Variants in PURG observed in about 807,000 individuals in gnomAD.
PURG encodes purine-rich element-binding protein gamma.
PURG carries 3 observed loss-of-function variants against 24.3 expected under a neutral mutation model. The ratio of observed to expected loss-of-function variants is 0.12; its 90% CI spans 0.06 to 0.32. The LOEUF is 0.32. Among genes scored for constraint, PURG ranks in the 10% least tolerant of loss-of-function variants. The pLI, the probability that PURG is intolerant of heterozygous loss-of-function variation, is 1.00. For synonymous variants in PURG, 180 were observed against 173.1 expected (o/e 1.04, Z -0.31); for missense variants, 371 against 439.1 (o/e 0.84, Z 1.39).
chr8:31,008,290 T>C (rs1454309488), intron 1 of PURG, among the ~76,000 whole-genome samples: 1 of 152,208 alleles, frequency 6.6e-6, no homozygotes, highest in Non-Finnish European at 1.5e-5. Context: ...CTTATGTACC[T>C]GAAGGCATTT....
At chr8:31,030,003 G>A (rs1267951831), downstream of PURG, among the ~76,000 whole-genome samples, 1 of 151,936 alleles carries the variant, frequency 6.6e-6, no homozygotes, top group Non-Finnish European at 1.5e-5. Context: ...TAGAGGAAAT[G>A]TGAAATACAA....
At chr8:31,016,904 A>T (rs1410724084) in intron 1 of PURG, among the ~76,000 whole-genome samples, 3 of 152,216 alleles carry the variant, frequency 2.0e-5, no homozygotes, top group Admixed American at 2.0e-4. Context: ...ATCTTTGATG[A>T]CATCATCATG....
At chr8:31,022,601 G>T (rs2129829687) in intron 1 of PURG, among the ~76,000 whole-genome samples, 1 of 152,328 alleles carries the variant, frequency 6.6e-6, no homozygotes, top group Non-Finnish European at 1.5e-5. Flanking sequence ...GATAGTGAAA[G>T]AAATTAATGC....
rs1377059366 is a variant in PURG, at chr8:31,030,852, G to C, written c.*887C>G. The C allele has an allele frequency of 2.0e-5, 3 of 152,028 alleles. No individual in the cohort carries two copies. The highest frequency in any genetic ancestry group is 4.4e-5 in the Non-Finnish European group (3 of 67,942). 9.4% of individuals were successfully genotyped at this position (152,028 alleles called of 1,614,324 possible). A position where few individuals can be genotyped will look rare whatever the true frequency, so the allele number is the denominator to read the frequency against. ...GAAGAAGCATAAAGTATAACACCTT[G>C]AGTCCATGATATATTTTGGGGAAGA... On this transcript the variant is annotated 3_prime_UTR_variant, in exon 2 of 2. Transcript: ENST00000523392.
At chr8:31,024,181 A>G (rs143721919) in intron 1 of PURG, among the ~76,000 whole-genome samples, 2 of 152,274 alleles carry the variant, frequency 1.3e-5, no homozygotes, top group East Asian at 3.9e-4. Context: ...ATATTATAAA[A>G]CTGACATTTT....
intron 1 of PURG, among the ~76,000 whole-genome samples, chr8:31,019,231 G>A (rs1376433497): frequency 6.8e-5 from 8 of 117,910 alleles, no homozygotes; most frequent in African/African-American, 2.4e-4. Context: ...TTATAGTACA[G>A]AATATCTACA....
At position 31,032,197 on chromosome 8, in the gene PURG, G is replaced by C; in HGVS notation, c.586C>G (p.Leu196Val). The change falls in exon 2 of 2, where the codon CTA becomes GTA. Residue 196 changes from leucine (L) to valine (V), a missense_variant. Coordinates refer to ENST00000523392, the MANE Select transcript of PURG (RefSeq NM_001323311.2). The surrounding 1 kb of genome is among the most constrained non-coding windows in gnomAD (Gnocchi z 5.9). The stretch of plus-strand genomic sequence containing the variant: ...CGCATCATGGTTTGTCTAATCCGTA[G>C]GAAGCGACCCCGCTGATTTTCCTTT... ...DLKENQRGRFLRIRQTMMRGT... is the reference protein window; with the variant it reads ...DLKENQRGRFVRIRQTMMRGT... The C allele has an allele frequency of 6.2e-7, 1 of 1,614,176 alleles. No homozygotes were observed. Among genetic ancestry groups the C allele is most frequent in the Non-Finnish European group, 8.5e-7 (1 of 1,180,028 alleles).
At chr8:30,999,719 T>C (rs1810498337) in intron 1 of PURG, among the ~76,000 whole-genome samples, 1 of 152,004 alleles carries the variant, frequency 6.6e-6, no homozygotes, top group African/African-American at 2.4e-5. Context: ...CAGTTTTACC[T>C]TTTTCATACT....
intron 1 of PURG, chr8:30,996,754 A>G (rs1810437067): frequency 7.8e-7 from 1 of 1,290,108 alleles, no homozygotes. Context: ...AGGGAGTTCC[A>G]CTATTTTCAC....
rs1052213728 is a variant in PURG, at chr8:31,030,873, G to T, written c.*866C>A. ...CCTTGAGTCCATGATATATTTTGGG[G>T]AAGAAACCTCTTGCAATCTTTAAAT... is the stretch of plus-strand genomic sequence containing the variant. On this transcript the variant is annotated 3_prime_UTR_variant, in exon 2 of 2. Coordinates refer to ENST00000523392, the MANE Select transcript of PURG (RefSeq NM_001323311.2). 3.4e-4 allele frequency: 51 copies of T among 152,134 alleles called. No homozygotes were observed. The highest frequency in any genetic ancestry group is 1.1e-3 in the African/African-American group (45 of 41,516). The allele number at this position is 152,134 out of a possible 1,614,324, so 9.4% of individuals were successfully genotyped here. A position where few individuals can be genotyped will look rare whatever the true frequency, so the allele number is the denominator to read the frequency against.
At chr8:31,030,016 T>A (rs1811164230), downstream of PURG, among the ~76,000 whole-genome samples, 1 of 151,948 alleles carries the variant, frequency 6.6e-6, no homozygotes, top group Non-Finnish European at 1.5e-5. Context: ...AAATACAATC[T>A]GCAAACCAAC....
At chr8:31,005,816 C>A (rs1810636653) in intron 1 of PURG, among the ~76,000 whole-genome samples, 1 of 146,974 alleles carries the variant, frequency 6.8e-6, no homozygotes, top group African/African-American at 2.5e-5. Context: ...CAAATCACCA[C>A]ATAGAGAACA....
chr8:31,024,946 T>A (rs1422473012), intron 1 of PURG, among the ~76,000 whole-genome samples: 1 of 151,920 alleles, frequency 6.6e-6, no homozygotes, highest in Non-Finnish European at 1.5e-5. Context: ...AAAAATTAAG[T>A]TTAAGAGGGT....
At chr8:31,026,538 A>C (rs1811092165), downstream of PURG, among the ~76,000 whole-genome samples, 1 of 150,690 alleles carries the variant, frequency 6.6e-6, no homozygotes, top group African/African-American at 2.4e-5. Flanking sequence ...TATGATATCT[A>C]AGTTAAAAAA....
chr8:31,032,890 C>T lies in PURG; in HGVS notation c.-6-102G>A. Reference sequence around the variant, plus strand: ...ACCGCCCCGCCGCCGCCCGCGACCCCCACGCCGGGCCCGGCTCCCCCGGCG... The same window carrying T: ...ACCGCCCCGCCGCCGCCCGCGACCCTCACGCCGGGCCCGGCTCCCCCGGCG... On this transcript the variant is annotated intron_variant, in intron 1 of 1. Coordinates refer to ENST00000523392, the MANE Select transcript of PURG (RefSeq NM_001323311.2). The surrounding 1 kb of genome is among the most constrained non-coding windows in gnomAD (Gnocchi z 5.9). The T allele has an allele frequency of 1.1e-6, 1 of 934,210 alleles. No individual in the cohort carries two copies. Among genetic ancestry groups the T allele is most frequent in the East Asian group, 3.5e-5 (1 of 28,516 alleles). 57.9% of individuals were successfully genotyped at this position (934,210 alleles called of 1,614,324 possible).
At chr8:31,000,376 T>C (rs1391227727) in intron 1 of PURG, among the ~76,000 whole-genome samples, 1 of 152,172 alleles carries the variant, frequency 6.6e-6, no homozygotes, top group Non-Finnish European at 1.5e-5. Context: ...GTAATAATCA[T>C]ACTGATATAT....
chr8:30,996,767 T>A, intron 1 of PURG: 1 of 1,115,100 alleles, frequency 9.0e-7, no homozygotes, highest in Non-Finnish European at 1.3e-6. Flanking sequence ...ATTTTCACAG[T>A]ACAAACCCAT....
chr8:30,998,186 A>C (rs112829665), intron 1 of PURG, among the ~76,000 whole-genome samples: 3 of 151,962 alleles, frequency 2.0e-5, no homozygotes, highest in African/African-American at 7.2e-5. Flanking sequence ...AGACTAACTT[A>C]GACTAACAGT....
At position 31,032,708 on chromosome 8, in the gene PURG, T is replaced by G; in HGVS notation, c.75A>C (p.Leu25=). 1 of 1,505,284 alleles carries G rather than the reference T, an allele frequency of 6.6e-7. No individual in the cohort carries two copies. Among genetic ancestry groups the G allele is most frequent in the Admixed American group, 2.4e-5 (1 of 42,494 alleles). 93.2% of individuals were successfully genotyped at this position (1,505,284 alleles called of 1,614,324 possible). ...RGGKNVGGSG[L]SKSRLYPQAQ... is the part of the protein sequence containing the mutation. ...CCTGGGGATAGAGTCTACTCTTGCT[T>G]AGGCCAGAGCCCCCTACATTCTTGC... The change falls in exon 2 of 2, where the codon CTA becomes CTC. Residue 25 remains leucine, a synonymous_variant. Coordinates refer to ENST00000523392, the MANE Select transcript of PURG (RefSeq NM_001323311.2). This position sits in a 1 kb window ranked among gnomAD's most constrained non-coding sequence, Gnocchi z 5.9.
Sources: allele counts gnomAD v4.1 joint callset (sites outside exome capture counted in the v4.1 genomes callset), GRCh38; gene constraint gnomAD v4.1.1; non-coding constraint Gnocchi (gnomAD v3.1); transcripts MANE v1.5; gene names NCBI Gene and HGNC (gene_info 2026-07-23, HGNC 2026-07-21).